Variants in PTPN14 observed in about 807,000 individuals in gnomAD.
PTPN14 encodes the protein tyrosine-protein phosphatase non-receptor type 14.
A neutral mutation model predicts 126.8 loss-of-function variants in PTPN14; 53 were observed. The ratio of observed to expected loss-of-function variants is 0.42; its 90% CI spans 0.34 to 0.53. The LOEUF (loss-of-function observed/expected upper bound fraction) is 0.53, where lower values mean the gene tolerates loss of function less well. Ranked by LOEUF, PTPN14 falls within the 20% of genes least tolerant of loss-of-function variation. The probability of loss-of-function intolerance (pLI) is 0.08; values close to 1 mark genes in which losing one functional copy is unlikely to be tolerated. For synonymous variants in PTPN14, 630 were observed against 599.3 expected (o/e 1.05, Z -0.75); for missense variants, 1,257 against 1,552.9 (o/e 0.81, Z 3.20).
At chr1:214,501,991 G>A (rs552504667) in intron 1 of PTPN14, among the ~76,000 whole-genome samples, 139 of 150,908 alleles carry the variant, frequency 9.2e-4, no homozygotes, top group Non-Finnish European at 1.3e-3. Context: ...CTCAGGAGGC[G>A]GAGCTTGCAG....
At chr1:214,453,994 A>T (rs1660328777) in intron 2 of PTPN14, among the ~76,000 whole-genome samples, 1 of 152,174 alleles carries the variant, frequency 6.6e-6, no homozygotes, top group South Asian at 2.1e-4. Flanking sequence ...CAATTCAAGA[A>T]ACTTATCTGA....
intron 11 of PTPN14, among the ~76,000 whole-genome samples, chr1:214,387,475 C>A (rs1158813625): frequency 6.6e-6 from 1 of 151,990 alleles, no homozygotes; most frequent in Non-Finnish European, 1.5e-5. Flanking sequence ...CGTGCCACTG[C>A]ACTTCAGGTT....
chr1:214,422,647 G>C (rs2102595519), intron 3 of PTPN14, among the ~76,000 whole-genome samples: 1 of 152,316 alleles, frequency 6.6e-6, no homozygotes. Flanking sequence ...CCCGGCTAAG[G>C]ATTCTGCATA....
In PTPN14 at chr1:214,393,752, A is replaced by G; in HGVS notation, c.872T>C (p.Ile291Thr). The G allele has an allele frequency of 1.2e-6, 2 of 1,602,046 alleles. No individual in the cohort carries two copies. The highest frequency in any genetic ancestry group is 1.7e-6 in the Non-Finnish European group (2 of 1,169,000). Residue 291 changes from isoleucine (I) to threonine (T), a missense_variant, in exon 10 of 19, where the codon ATT (isoleucine) becomes ACT (threonine). Transcript: ENST00000366956. ...GTGTCGTGTGGCAAACAACCGAGAA[A>G]TATACTTGGCATTTTCGATATCATC... is the stretch of plus-strand genomic sequence containing the variant. ...HTDDIENAKY[I>T]SRLFATRHKF...
chr1:214,365,402 A>G (rs1658058572), intron 17 of PTPN14, among the ~76,000 whole-genome samples: 1 of 152,184 alleles, frequency 6.6e-6, no homozygotes, highest in Admixed American at 6.5e-5. Context: ...GAAAAATCAC[A>G]GGATTCCAAG....
At chr1:214,444,682 GC>G (rs1407319931) in intron 3 of PTPN14, among the ~76,000 whole-genome samples, 8 of 152,092 alleles carry the variant, frequency 5.3e-5, no homozygotes, top group Admixed American at 4.6e-4. Context: ...TGTGAAGAAA[GC>G]TACTGTAAGG....
At chr1:214,413,158 T>TA (rs1405463895) in intron 4 of PTPN14, among the ~76,000 whole-genome samples, 2 of 152,206 alleles carry the variant, frequency 1.3e-5, no homozygotes. Flanking sequence ...ATTATAGGCA[T>TA]AAGCCACCAC....
At chr1:214,456,252 A>G (rs1660379524) in intron 2 of PTPN14, among the ~76,000 whole-genome samples, 1 of 152,204 alleles carries the variant, frequency 6.6e-6, no homozygotes, top group African/African-American at 2.4e-5. Flanking sequence ...TTAAGTTGTA[A>G]TAGGTTGCCT....
In PTPN14 at chr1:214,352,013, A is replaced by G. The variant is rs1334715945; in HGVS notation, c.*5909T>C. ...TGATCCTGATGGCCCAAAGTGTGGCAGAAGGAGCAATGACTTTCCACACAA... is the reference window on the plus strand; with the variant it reads ...TGATCCTGATGGCCCAAAGTGTGGCGGAAGGAGCAATGACTTTCCACACAA... On this transcript the variant is annotated 3_prime_UTR_variant, in exon 19 of 19. Coordinates refer to ENST00000366956, the MANE Select transcript of PTPN14 (RefSeq NM_005401.5). The G allele has an allele frequency of 6.6e-6, 1 of 152,248 alleles. No individual in the cohort carries two copies. Among genetic ancestry groups the G allele is most frequent in the Non-Finnish European group, 1.5e-5 (1 of 68,050 alleles). The allele number at this position is 152,248 out of a possible 1,614,324, so 9.4% of individuals were successfully genotyped here.
In PTPN14 at chr1:214,353,643, T is replaced by A. The variant is rs1373237791; in HGVS notation, c.*4279A>T. On this transcript the variant is annotated 3_prime_UTR_variant, in exon 19 of 19. Coordinates refer to ENST00000366956, the MANE Select transcript of PTPN14 (RefSeq NM_005401.5). ...CTGTTCATCGGGAAAGGACAGCAGC[T>A]AAAAACTCCAGAGTGATATGCCTGA... The A allele has an allele frequency of 6.6e-6, 1 of 152,232 alleles. No individual in the cohort carries two copies. Among genetic ancestry groups the A allele is most frequent in the Non-Finnish European group, 1.5e-5 (1 of 68,044 alleles). 9.4% of individuals were successfully genotyped at this position (152,232 alleles called of 1,614,324 possible). A position where few individuals can be genotyped will look rare whatever the true frequency, so the allele number is the denominator to read the frequency against.
intron 3 of PTPN14, among the ~76,000 whole-genome samples, chr1:214,436,821 TCAGAATATTAGCTCTCAGGATAATGC>T (rs1659930717): frequency 8.2e-5 from 1 of 12,230 alleles, no homozygotes; most frequent in African/African-American, 4.2e-4. Context: ...AAAAGGTTTG[TCAGAATATTAGCTCTCAGGATAATGC>T]TTTTCAAGTA....
At chr1:214,396,995 T>C (rs1269686413) in intron 8 of PTPN14, among the ~76,000 whole-genome samples, 1 of 152,216 alleles carries the variant, frequency 6.6e-6, no homozygotes, top group Non-Finnish European at 1.5e-5. Context: ...GAAAGATCTC[T>C]CTTGTCACTC....
intron 3 of PTPN14, among the ~76,000 whole-genome samples, chr1:214,418,864 C>T (rs1659481992): frequency 1.3e-5 from 2 of 152,180 alleles, no homozygotes; most frequent in South Asian, 4.1e-4. Flanking sequence ...CTGAGTTATA[C>T]ATTTTAACTA....
At chr1:214,470,208 G>A (rs1459062916) in intron 1 of PTPN14, among the ~76,000 whole-genome samples, 1 of 152,084 alleles carries the variant, frequency 6.6e-6, no homozygotes, top group East Asian at 1.9e-4. Flanking sequence ...AGGATCACTT[G>A]AGCCCAGGAA....
rs534605818 is a variant in PTPN14, at chr1:214,422,580, T to C, written c.345-7854A>G. Among the ~76,000 whole-genome samples, 4 of 152,296 alleles carry C rather than the reference T, an allele frequency of 2.6e-5. No homozygotes were observed. The East Asian group carries it at 7.7e-4, about 29-fold the overall frequency. On this transcript the variant is annotated intron_variant, in intron 3 of 18. Coordinates refer to ENST00000366956, the MANE Select transcript of PTPN14 (RefSeq NM_005401.5). ...GGGAAAAGGGAACTCAAATTATATC[T>C]GGAAGCCGGGTGAGTCAATTGCCCA...
intron 11 of PTPN14, among the ~76,000 whole-genome samples, chr1:214,387,941 GACC>G (rs1053088857): frequency 1.2e-4 from 19 of 152,166 alleles, no homozygotes; most frequent in African/African-American, 4.3e-4. Context: ...TAGCTGTCAA[GACC>G]ACTTGCTGAC....
At chr1:214,487,353 C>T (rs76987878) in intron 1 of PTPN14, among the ~76,000 whole-genome samples, 2,339 of 152,212 alleles carry the variant, frequency 0.015, 61 homozygotes, top group African/African-American at 0.053. Flanking sequence ...CAGCTGGGTG[C>T]GGTGGCTCAT....
At chr1:214,404,261 A>G (rs1269939211) in intron 5 of PTPN14, among the ~76,000 whole-genome samples, 1 of 152,240 alleles carries the variant, frequency 6.6e-6, no homozygotes, top group Non-Finnish European at 1.5e-5. Context: ...CATCCTGCTA[A>G]TTCTAGAGTT....
rs572017024 is a variant in PTPN14, at chr1:214,383,776, G to A, written c.2079C>T (p.His693=). ...SHEVPQLPQY[H]HKKTFSDATM... The stretch of plus-strand genomic sequence containing the variant: ...TGGCATCAGAGAAGGTCTTCTTGTG[G>A]TGATACTGAGGGAGCTGGGGGACCT... The change falls in exon 13 of 19, where the codon CAC becomes CAT. Residue 693 remains histidine, a synonymous_variant. Transcript: ENST00000366956. This position sits in a 1 kb window ranked among gnomAD's most constrained non-coding sequence, Gnocchi z 4.4. 2 of 1,613,202 alleles carry A rather than the reference G, an allele frequency of 1.2e-6. No individual in the cohort carries two copies. The highest frequency in any genetic ancestry group is 3.3e-5 in the Admixed American group (2 of 60,032).
Sources: allele counts gnomAD v4.1 joint callset (sites outside exome capture counted in the v4.1 genomes callset), GRCh38; gene constraint gnomAD v4.1.1; non-coding constraint Gnocchi (gnomAD v3.1); transcripts MANE v1.5; gene names NCBI Gene and HGNC (gene_info 2026-07-23, HGNC 2026-07-21).